ITGA3: variants seen among roughly 807,000 people sequenced by gnomAD.
The protein encoded by ITGA3 is integrin alpha-3.
A neutral mutation model predicts 131.1 loss-of-function variants in ITGA3; 70 were observed. The ratio of observed to expected loss-of-function variants is 0.53; its 90% CI spans 0.44 to 0.65. ITGA3 has a LOEUF of 0.65. ITGA3 is among the 30% of genes least tolerant of loss of function. ITGA3 has a pLI of 0.00. For synonymous variants in ITGA3, 537 were observed against 571.6 expected, an observed-to-expected ratio of 0.94 and a Z score of 0.86; for missense variants, 1,098 against 1,388.6, an observed-to-expected ratio of 0.79 and a Z score of 3.33.
intron 14 of ITGA3, 71 bp from the exon 15 acceptor site, chr17:50,076,903 G>A: frequency 2.6e-6 from 4 of 1,521,388 alleles, no homozygotes; most frequent in Non-Finnish European, 3.6e-6. Flanking sequence ...GACCCCAGGG[G>A]CGGGGCCTAG....
chr17:50,068,184 C>A lies in ITGA3; in HGVS notation c.543C>A (p.His181Gln). Residue 181 changes from histidine (H) to glutamine (Q), a missense_variant, in exon 4 of 26, where the codon CAC becomes CAA. Physicochemically the swap from His to Gln is conservative, Grantham distance 24. Around this residue, in one of 3 missense-constraint regions of ITGA3, gnomAD observed 356 missense variants for 529.2 expected, o/e 0.67. Transcript: ENST00000320031. The part of the protein sequence containing the change: ...LDSSDDWQTY[H>Q]NEMCNSNTDY... ...CCAGTGATGACTGGCAGACCTACCA[C>A]AACGAGATGTGCAATAGCAACACAG... 6.2e-7 allele frequency: 1 copy of A among 1,614,204 alleles called. No individual in the cohort carries two copies. Among genetic ancestry groups the A allele is most frequent in the Non-Finnish European group, 8.5e-7 (1 of 1,180,046 alleles).
At chr17:50,073,872 G>A in intron 7 of ITGA3, 44 bp from the exon 8 acceptor site, 1 of 1,426,870 alleles carries the variant, frequency 7.0e-7, no homozygotes, top group Non-Finnish European at 9.9e-7. Flanking sequence ...GAGACGTGGG[G>A]CCCAGAGTAC....
At chr17:50,087,589 T>G (rs1909510865) in intron 23 of ITGA3, 155 bp from the exon 24 acceptor site, 3 of 747,128 alleles carry the variant, frequency 4.0e-6, no homozygotes, top group Admixed American at 4.6e-5. Context: ...CTGGACCTGC[T>G]GTCAGTGGGG....
At chr17:50,068,814 T>TTTTATTTATTTA (rs373411924) in intron 4 of ITGA3, among the ~76,000 whole-genome samples, 85 of 118,724 alleles carry the variant, frequency 7.2e-4, no homozygotes, top group Middle Eastern at 4.0e-3. Flanking sequence ...AATCAGTCTT[T>TTTTATTTATTTA]TTTATTTATT....
intron 25 of ITGA3, 37 bp downstream of exon 25, chr17:50,088,403 C>G: frequency 8.5e-7 from 1 of 1,170,184 alleles, no homozygotes; most frequent in Non-Finnish European, 1.2e-6. Flanking sequence ...CCGAGCCCCA[C>G]AGCTGGCCGG....
rs575130011 is a variant in ITGA3, at chr17:50,074,184, C to T, written c.1286C>T (p.Thr429Ile). ...AAGCTGGGACTGCCTGGGTTGGCCACCTTCGGCTATTCCCTCAGTGGGCAG... is the reference window on the plus strand; with the variant it reads ...AAGCTGGGACTGCCTGGGTTGGCCATCTTCGGCTATTCCCTCAGTGGGCAG... Reference protein sequence around the residue: ...GEKLGLPGLATFGYSLSGQMD... With the variant: ...GEKLGLPGLAIFGYSLSGQMD... Residue 429 changes from threonine (T) to isoleucine (I), a missense_variant, in exon 9 of 26, where the codon ACC becomes ATC. Physicochemically the swap from Thr to Ile is moderately conservative, Grantham distance 89. This residue lies in a region of ITGA3 where 699 missense variants were observed against 829.2 expected (regional missense o/e 0.84). Coordinates refer to ENST00000320031, the MANE Select transcript of ITGA3 (RefSeq NM_002204.4). 40 of 1,614,204 alleles carry T rather than the reference C, an allele frequency of 2.5e-5. No homozygotes were observed. The South Asian group carries it at 2.9e-4, about 12-fold the overall frequency.
In ITGA3 at chr17:50,056,193, G is replaced by A. The variant is rs772685472; in HGVS notation, c.-247G>A. On this transcript the variant is annotated 5_prime_UTR_variant, in exon 1 of 26. Transcript: ENST00000320031. This position sits in a 1 kb window ranked among gnomAD's most constrained non-coding sequence, Gnocchi z 5.6. ...ACAAGCTGGGGGCCGGTTGCCCGGG[G>A]CAGGGACGGCGGCGACCCGGCCGCT... is the stretch of plus-strand genomic sequence containing the variant. 11 of 427,792 alleles carry A rather than the reference G, an allele frequency of 2.6e-5. No homozygotes were observed. Among genetic ancestry groups the A allele is most frequent in the Non-Finnish European group, 4.5e-5 (11 of 243,918 alleles). 26.5% of individuals were successfully genotyped at this position (427,792 alleles called of 1,614,324 possible). A position where few individuals can be genotyped will look rare whatever the true frequency, so the allele number is the denominator to read the frequency against.
intron 1 of ITGA3, among the ~76,000 whole-genome samples, chr17:50,062,985 G>A (rs1484470756): frequency 6.6e-6 from 1 of 150,826 alleles, no homozygotes; most frequent in Admixed American, 6.6e-5. Flanking sequence ...AAACTGGGGT[G>A]CACCAGATTC....
Position 50,056,459 on chromosome 17 carries a change from G to T in ITGA3, c.20G>T (p.Arg7Leu). 1.3e-6 allele frequency: 2 copies of T among 1,535,196 alleles called. No individual in the cohort carries two copies. The highest frequency in any genetic ancestry group is 1.8e-6 in the Non-Finnish European group (2 of 1,140,904). The change falls in exon 1 of 26, where the codon CGC becomes CTC. Residue 7 changes from arginine to leucine, a missense_variant. Physicochemically the swap from Arg to Leu is moderately radical, Grantham distance 102. This residue lies in a region of ITGA3 where 43 missense variants were observed against 30.3 expected (regional missense o/e 1.42). Transcript: ENST00000320031. This position sits in a 1 kb window ranked among gnomAD's most constrained non-coding sequence, Gnocchi z 5.6. Reference protein sequence around the residue: MGPGPSRAPRAPRLMLC... With the variant: MGPGPSLAPRAPRLMLC... ...GCAGCCATGGGCCCCGGCCCCAGCCGCGCGCCCCGCGCCCCACGCCTGATG... is the reference window on the plus strand; with the variant it reads ...GCAGCCATGGGCCCCGGCCCCAGCCTCGCGCCCCGCGCCCCACGCCTGATG...
chr17:50,081,191 G>C, intron 22 of ITGA3, 119 bp from the exon 23 acceptor site: 1 of 629,838 alleles, frequency 1.6e-6, no homozygotes, highest in Non-Finnish European at 2.9e-6. Flanking sequence ...CAGATCCTTT[G>C]GGGTGCTGTT....
intron 3 of ITGA3, among the ~76,000 whole-genome samples, chr17:50,066,542 A>C (rs1337841617): frequency 6.6e-6 from 1 of 152,006 alleles, no homozygotes; most frequent in Non-Finnish European, 1.5e-5. Context: ...CTTTGGGATG[A>C]GGCAGGAGGA....
At chr17:50,060,394 G>C (rs1159698511) in intron 1 of ITGA3, among the ~76,000 whole-genome samples, 1 of 152,224 alleles carries the variant, frequency 6.6e-6, no homozygotes, top group African/African-American at 2.4e-5. Context: ...TTTGAGGTGA[G>C]CCAACCTGGT....
At chr17:50,085,604 C>A (rs1325643522) in intron 23 of ITGA3, among the ~76,000 whole-genome samples, 3 of 151,570 alleles carry the variant, frequency 2.0e-5, no homozygotes, top group Non-Finnish European at 4.4e-5. Context: ...GCAGAGGTTG[C>A]AGTGAGCCAA....
In ITGA3 at chr17:50,081,294, C is replaced by T; in HGVS notation, c.2821-16C>T. ...GTGTCAAGTGTTCCCCTTGACCCAC[C>T]CCACTCCCAATCCAGGATTACAGAG... On this transcript the variant is annotated splice_polypyrimidine_tract_variant and intron_variant, in intron 22 of 25. Transcript: ENST00000320031. 6.5e-7 allele frequency: 1 copy of T among 1,547,168 alleles called. No homozygotes were observed. Among genetic ancestry groups the T allele is most frequent in the African/African-American group, 1.4e-5 (1 of 73,348 alleles).
chr17:50,071,739 T>C (rs929881507), intron 6 of ITGA3: 3 of 616,532 alleles, frequency 4.9e-6, no homozygotes, highest in Non-Finnish European at 8.5e-6. Flanking sequence ...TATGCTCCAG[T>C]GGATGTGGAT....
chr17:50,069,481 C>T (rs1226155096), intron 4 of ITGA3, among the ~76,000 whole-genome samples: 9 of 152,122 alleles, frequency 5.9e-5, no homozygotes, highest in East Asian at 1.9e-4. Flanking sequence ...ACGTGGGCAA[C>T]GTAGGGAGAC....
Position 50,078,294 on chromosome 17 carries a change from G to A in ITGA3, c.2297+10G>A, listed in dbSNP as rs373434442. ...AGACCTCGCTTAGCATGTGGGTACC[G>A]CTCTCCACCACCCCCACCCCAGCCT... On this transcript the variant is annotated intron_variant, in intron 18 of 25. Transcript: ENST00000320031. The A allele has an allele frequency of 6.0e-5, 97 of 1,607,934 alleles. No individual in the cohort carries two copies. The highest frequency in any genetic ancestry group is 7.8e-5 in the Non-Finnish European group (92 of 1,175,558).
Position 50,064,717 on chromosome 17 carries a change from T to A in ITGA3, c.414+110T>A. Reference sequence around the variant, plus strand: ...AGGGGGGTCCACGGCGCGTGTGTGCTGGGGCCTGCACACATGTCCCTTCCT... The same window carrying A: ...AGGGGGGTCCACGGCGCGTGTGTGCAGGGGCCTGCACACATGTCCCTTCCT... On this transcript the variant is annotated intron_variant, in intron 3 of 25. Coordinates refer to ENST00000320031, the MANE Select transcript of ITGA3 (RefSeq NM_002204.4). This position sits in a 1 kb window ranked among gnomAD's most constrained non-coding sequence, Gnocchi z 4.4. The A allele has an allele frequency of 7.3e-6, 6 of 818,832 alleles. No homozygotes were observed. Among genetic ancestry groups the A allele is most frequent in the Non-Finnish European group, 9.8e-6 (5 of 510,034 alleles). 50.7% of individuals were successfully genotyped at this position (818,832 alleles called of 1,614,324 possible). A position where few individuals can be genotyped will look rare whatever the true frequency, so the allele number is the denominator to read the frequency against.
At position 50,081,977 on chromosome 17, in the gene ITGA3, C is replaced by T. The variant is rs1215656198; in HGVS notation, c.2919+569C>T. Reference sequence around the variant, plus strand: ...ACAGATGATGTCATCATCTACGTGGCAGAAAAGAGAAGCAATGGAAAAGCT... The same window carrying T: ...ACAGATGATGTCATCATCTACGTGGTAGAAAAGAGAAGCAATGGAAAAGCT... On this transcript the variant is annotated intron_variant, in intron 23 of 25. Transcript: ENST00000320031. Among the ~76,000 whole-genome samples the T allele has an allele frequency of 2.0e-5, 3 of 152,086 alleles. No individual in the cohort carries two copies. The East Asian group carries it at 5.8e-4, about 29-fold the overall frequency.
Sources: gnomAD v4.1 joint callset for allele counts (sites outside exome capture counted in the v4.1 genomes callset) on GRCh38, gnomAD v4.1.1 for gene constraint, gnomAD v4.1.1 regional missense constraint, Gnocchi (gnomAD v3.1) non-coding constraint, MANE v1.5 for transcripts, NCBI Gene and HGNC (gene_info 2026-07-23, HGNC 2026-07-21) for gene names.